The following NAE1 variants were observed in gnomAD, a reference collection of about 807,000 sequenced individuals.
The protein encoded by NAE1 is NEDD8 activating enzyme E1 subunit 1.
Under a neutral mutation model 88.0 loss-of-function variants are expected in NAE1, and 59 were observed. That is an observed-to-expected ratio of 0.67 (90% CI 0.54 to 0.83). The LOEUF (loss-of-function observed/expected upper bound fraction) is 0.83. Ranked by LOEUF, NAE1 falls within the 40% of genes least tolerant of loss-of-function variation. The pLI is 0.00. For synonymous variants in NAE1, 186 were observed against 208.9 expected (o/e 0.89, Z 0.95); for missense variants, 554 against 632.8 (o/e 0.88, Z 1.34).
chr16:66,810,786 A>C lies in NAE1; in HGVS notation c.1035-14T>G. ...TTTTCACGGTAACTAAAAAAGAATA[A>C]AAAGCAATTACTAACAAATTTTTAA... On this transcript the variant is annotated splice_polypyrimidine_tract_variant and intron_variant, in intron 13 of 19. Transcript: ENST00000290810. The C allele has an allele frequency of 6.2e-7, 1 of 1,610,138 alleles. No individual in the cohort carries two copies.
At chr16:66,825,062 T>C (rs767962005) in intron 3 of NAE1, among the ~76,000 whole-genome samples, 177 bp from the exon 4 acceptor site, 1 of 152,226 alleles carries the variant, frequency 6.6e-6, no homozygotes, top group Non-Finnish European at 1.5e-5. Context: ...AAAGATAGGC[T>C]AATAAATCAA....
At chr16:66,811,087 G>A (rs1023661926) in intron 13 of NAE1, among the ~76,000 whole-genome samples, 2 of 152,118 alleles carry the variant, frequency 1.3e-5, no homozygotes, top group Admixed American at 6.5e-5. Context: ...CATTACTGAA[G>A]AACATGACTT....
At position 66,830,975 on chromosome 16, in the gene NAE1, C is replaced by T. The variant is rs1240552837; in HGVS notation, c.-76G>A. On this transcript the variant is annotated 5_prime_UTR_variant, in exon 1 of 20. In the 5' UTR this introduces an upstream ATG that the reference lacks. Coordinates refer to ENST00000290810, the MANE Select transcript of NAE1 (RefSeq NM_003905.4). ...CCAGCTCCACAAGCGCGCAGGCGCA[C>T]TGAGCGCCCCTTCGCCGCTACCGTC... The T allele has an allele frequency of 3.7e-6, 5 of 1,347,480 alleles. No individual in the cohort carries two copies. The African/African-American group carries it at 7.7e-5, about 21-fold the overall frequency. 83.5% of individuals were successfully genotyped at this position (1,347,480 alleles called of 1,614,324 possible). A position where few individuals can be genotyped will look rare whatever the true frequency, so the allele number is the denominator to read the frequency against.
At chr16:66,829,290 A>C (rs1317956103) in intron 1 of NAE1, among the ~76,000 whole-genome samples, 1 of 152,244 alleles carries the variant, frequency 6.6e-6, no homozygotes. Context: ...TACCTGCATT[A>C]GAAACACAAG....
chr16:66,807,643 A>AG (rs1186892333), intron 17 of NAE1, among the ~76,000 whole-genome samples: 1 of 132,470 alleles, frequency 7.5e-6, no homozygotes, highest in East Asian at 3.1e-4. Flanking sequence ...CCGTCTCAAA[A>AG]GAAAAAAAAA....
At position 66,830,442 on chromosome 16, in the gene NAE1, T is replaced by C. The variant is rs185389130; in HGVS notation, c.53+405A>G. 1.7e-3 allele frequency among the ~76,000 whole-genome samples: 265 copies of C among 152,352 alleles called. 3 individuals carry two copies. Among genetic ancestry groups the C allele is most frequent in the Middle Eastern group, 0.017 (5 of 294 alleles). ...TTTATAATTACATTTGCGGCTCACATGAGACTAGCATTTTATTTCCATTGG... is the reference window on the plus strand; with the variant it reads ...TTTATAATTACATTTGCGGCTCACACGAGACTAGCATTTTATTTCCATTGG... On this transcript the variant is annotated intron_variant, in intron 1 of 19. Coordinates refer to ENST00000290810, the MANE Select transcript of NAE1 (RefSeq NM_003905.4).
At chr16:66,817,119 A>T in intron 9 of NAE1, 91 bp from the exon 10 acceptor site, 1 of 1,435,700 alleles carries the variant, frequency 7.0e-7, no homozygotes, top group Non-Finnish European at 9.2e-7. Context: ...TCTACATAAG[A>T]TTTCATCAAC....
In NAE1 at chr16:66,826,601, G is replaced by A; in HGVS notation, c.158-18C>T. 6.2e-7 allele frequency: 1 copy of A among 1,614,086 alleles called. No homozygotes were observed. The highest frequency in any genetic ancestry group is 8.5e-7 in the Non-Finnish European group (1 of 1,179,976). ...ACCAATACCTGAGAGCCAAAACAGA[G>A]TCAGTCAGGAATACATAGTTCTAGG... On this transcript the variant is annotated intron_variant, in intron 2 of 19. Coordinates refer to ENST00000290810, the MANE Select transcript of NAE1 (RefSeq NM_003905.4).
At chr16:66,814,353 G>A (rs1041071414) in intron 11 of NAE1, among the ~76,000 whole-genome samples, 1 of 152,076 alleles carries the variant, frequency 6.6e-6, no homozygotes, top group Non-Finnish European at 1.5e-5. Context: ...GCATTCAGGA[G>A]GCCAAGGTGA....
intron 4 of NAE1, 48 bp downstream of exon 4, chr16:66,824,807 G>C: frequency 6.6e-7 from 1 of 1,506,880 alleles, no homozygotes; most frequent in Non-Finnish European, 9.1e-7. Context: ...TCAAAACACA[G>C]GGGCATCATT....
intron 6 of NAE1, among the ~76,000 whole-genome samples, chr16:66,822,442 A>T (rs1261728985): frequency 6.6e-6 from 1 of 151,974 alleles, no homozygotes; most frequent in Admixed American, 6.5e-5. Flanking sequence ...ACGGTGGCAC[A>T]TGCCTATAAT....
intron 7 of NAE1, among the ~76,000 whole-genome samples, chr16:66,820,793 C>T (rs571148062): frequency 3.2e-4 from 48 of 150,722 alleles, no homozygotes; most frequent in Non-Finnish European, 5.6e-4. Flanking sequence ...CCCAGCTACT[C>T]GGGAGGCTGA....
At chr16:66,813,277 A>G in intron 13 of NAE1, 1 of 278,556 alleles carries the variant, frequency 3.6e-6, no homozygotes, top group South Asian at 6.3e-5. Context: ...TGAGTAGTTG[A>G]GATTAAAGGC....
intron 8 of NAE1, among the ~76,000 whole-genome samples, chr16:66,817,786 G>A (rs1407221289): frequency 1.3e-5 from 2 of 152,120 alleles, no homozygotes; most frequent in Non-Finnish European, 2.9e-5. Context: ...TAAGAAAGGA[G>A]GATCTTTTCT....
chr16:66,825,304 G>A (rs1013382517), intron 3 of NAE1, among the ~76,000 whole-genome samples: 1 of 151,838 alleles, frequency 6.6e-6, no homozygotes, highest in Non-Finnish European at 1.5e-5. Context: ...AAAATTAGCC[G>A]GGCGTGGTGG....
intron 1 of NAE1, among the ~76,000 whole-genome samples, chr16:66,827,233 G>C (rs1960494624): frequency 6.6e-6 from 1 of 151,824 alleles, no homozygotes; most frequent in Non-Finnish European, 1.5e-5. Context: ...GGGATTACAG[G>C]TGTGAGCCAC....
At chr16:66,803,178 T>A (rs1959423661) in intron 19 of NAE1, 60 bp from the exon 20 acceptor site, 3 of 1,148,586 alleles carry the variant, frequency 2.6e-6, no homozygotes, top group East Asian at 2.4e-5. Context: ...AGTTACATAC[T>A]CAATTCTGTA....
At chr16:66,823,156 C>A in intron 6 of NAE1, 71 bp downstream of exon 6, 2 of 845,508 alleles carry the variant, frequency 2.4e-6, no homozygotes, top group Non-Finnish European at 3.5e-6. Context: ...TCATCATAGA[C>A]TGTGCAAAGA....
At chr16:66,808,256 C>T (rs1567487654) in intron 17 of NAE1, among the ~76,000 whole-genome samples, 1 of 152,100 alleles carries the variant, frequency 6.6e-6, no homozygotes. Flanking sequence ...GTCTTAGTAA[C>T]AAACTATGGA....
Sources: gnomAD v4.1 joint callset for allele counts (sites outside exome capture counted in the v4.1 genomes callset) on GRCh38, gnomAD v4.1.1 for gene constraint, MANE v1.5 for transcripts, NCBI Gene and HGNC (gene_info 2026-07-23, HGNC 2026-07-21) for gene names.